CDK6: variants seen among roughly 807,000 people sequenced by gnomAD.
CDK6 encodes cyclin dependent kinase 6.
A neutral mutation model predicts 37.1 loss-of-function variants in CDK6; 6 were observed. That is an observed-to-expected ratio of 0.16 (90% CI 0.09 to 0.32). The LOEUF (loss-of-function observed/expected upper bound fraction) is 0.32, where lower values mean the gene tolerates loss of function less well. Ranked by LOEUF, CDK6 falls within the 10% of genes least tolerant of loss-of-function variation. CDK6 has a pLI of 1.00. For missense variants in CDK6, 224 were observed against 418.9 expected (o/e 0.53, Z 4.06); for synonymous variants, 160 against 161.3 (o/e 0.99, Z 0.06).
chr7:92,735,420 G>GGGA (rs1183795454), intron 3 of CDK6, among the ~76,000 whole-genome samples: 2 of 151,994 alleles, frequency 1.3e-5, no homozygotes, highest in Admixed American at 1.3e-4. Context: ...GCTCTTCCCC[G>GGGA]CTCCTCTAGT....
chr7:92,792,992 A>G (rs1800320163), intron 2 of CDK6, among the ~76,000 whole-genome samples: 1 of 152,078 alleles, frequency 6.6e-6, no homozygotes, highest in South Asian at 2.1e-4. Flanking sequence ...ACATCAAGGG[A>G]ATTAAAAAAA....
intron 2 of CDK6, among the ~76,000 whole-genome samples, chr7:92,782,114 A>G (rs1195362448): frequency 1.3e-5 from 2 of 152,158 alleles, no homozygotes; most frequent in Admixed American, 1.3e-4. Context: ...CAGGCACTAT[A>G]CTCAGTTTTA....
Position 92,608,953 on chromosome 7 carries a change from C to T in CDK6, c.*6187G>A, listed in dbSNP as rs1795497591. On this transcript the variant is annotated 3_prime_UTR_variant, in exon 8 of 8. Coordinates refer to ENST00000424848, the MANE Select transcript of CDK6 (RefSeq NM_001145306.2). Reference sequence around the variant, plus strand: ...TGAGCACGAGCAAATGGGGTTCAGACTGGCCACTGTTATAACAAACCCTGG... The same window carrying T: ...TGAGCACGAGCAAATGGGGTTCAGATTGGCCACTGTTATAACAAACCCTGG... 4.3e-6 allele frequency: 1 copy of T among 232,928 alleles called. No individual in the cohort carries two copies. The highest frequency in any genetic ancestry group is 2.2e-5 in the African/African-American group (1 of 45,336). 14.4% of individuals were successfully genotyped at this position (232,928 alleles called of 1,614,324 possible).
intron 2 of CDK6, among the ~76,000 whole-genome samples, chr7:92,810,286 C>CAAACCAAACTAAA (rs1800841548): frequency 6.6e-6 from 1 of 152,136 alleles, no homozygotes; most frequent in Non-Finnish European, 1.5e-5. Context: ...CCAAGCAGGT[C>CAAACCAAACTAAA]TTACTAAAAC....
At chr7:92,760,437 C>T (rs1313299174) in intron 3 of CDK6, among the ~76,000 whole-genome samples, 1 of 152,092 alleles carries the variant, frequency 6.6e-6, no homozygotes, top group Non-Finnish European at 1.5e-5. Flanking sequence ...AAGGAAGTGA[C>T]ACTATGTTGT....
chr7:92,806,630 G>A (rs1486729565), intron 2 of CDK6, among the ~76,000 whole-genome samples: 1 of 152,154 alleles, frequency 6.6e-6, no homozygotes, highest in Non-Finnish European at 1.5e-5. Context: ...AAAAATGTCT[G>A]TGTAACCAGA....
At chr7:92,691,073 ATTAC>A (rs1216827597) in intron 4 of CDK6, among the ~76,000 whole-genome samples, 1 of 152,224 alleles carries the variant, frequency 6.6e-6, no homozygotes, top group East Asian at 1.9e-4. Context: ...ACAAATTCTA[ATTAC>A]TTATACTTTC....
In CDK6 at chr7:92,612,359, A is replaced by G. The variant is rs1194938957; in HGVS notation, c.*2781T>C. The G allele has an allele frequency of 1.3e-5, 3 of 233,142 alleles. No homozygotes were observed. Among genetic ancestry groups the G allele is most frequent in the South Asian group, 1.8e-4 (1 of 5,536 alleles). The allele number at this position is 233,142 out of a possible 1,614,324, so 14.4% of individuals were successfully genotyped here. ...GCTTTTGGCAAAGATGTTTGAAACC[A>G]TATGTTACAGAAGAATAAGCTGTAG... is the stretch of plus-strand genomic sequence containing the variant. On this transcript the variant is annotated 3_prime_UTR_variant, in exon 8 of 8. Coordinates refer to ENST00000424848, the MANE Select transcript of CDK6 (RefSeq NM_001145306.2).
intron 2 of CDK6, among the ~76,000 whole-genome samples, chr7:92,806,350 T>G (rs1163795610): frequency 6.6e-6 from 1 of 152,196 alleles, no homozygotes; most frequent in Admixed American, 6.5e-5. Flanking sequence ...CGTTAAAACA[T>G]GTACAATTGT....
At chr7:92,693,516 C>T (rs1262285248) in intron 4 of CDK6, among the ~76,000 whole-genome samples, 3 of 152,142 alleles carry the variant, frequency 2.0e-5, no homozygotes, top group African/African-American at 2.4e-5. Context: ...TTAAACTTTT[C>T]CTGCATCCTA....
chr7:92,801,703 C>G (rs1385219495), intron 2 of CDK6, among the ~76,000 whole-genome samples: 4 of 151,650 alleles, frequency 2.6e-5, no homozygotes, highest in Admixed American at 2.6e-4. Context: ...TTCACTGTCA[C>G]CCCCACCTCC....
At position 92,774,767 on chromosome 7, in the gene CDK6, G is replaced by A. The variant is rs2115785295; in HGVS notation, c.298C>T (p.His100Tyr). 6.2e-7 allele frequency: 1 copy of A among 1,613,004 alleles called. No individual in the cohort carries two copies. Residue 100 changes from histidine to tyrosine, a missense_variant, in exon 3 of 8, where the codon CAT becomes TAT. His to Tyr is a moderately conservative substitution (Grantham distance 83). Coordinates refer to ENST00000424848, the MANE Select transcript of CDK6 (RefSeq NM_001145306.2). ...TAAGTGGTCAAGTCTTGATCGACATGTTCAAACACTAAAGTTAGTTTGGTT... is the reference window on the plus strand; with the variant it reads ...TAAGTGGTCAAGTCTTGATCGACATATTCAAACACTAAAGTTAGTTTGGTT... Reference protein sequence around the residue: ...RETKLTLVFEHVDQDLTTYLD... With the variant: ...RETKLTLVFEYVDQDLTTYLD...
intron 2 of CDK6, among the ~76,000 whole-genome samples, chr7:92,822,319 T>A (rs999169537): frequency 2.0e-5 from 3 of 152,154 alleles, no homozygotes; most frequent in African/African-American, 7.2e-5. Flanking sequence ...TTGCCAATCA[T>A]TACATTATTA....
At chr7:92,646,736 T>C (rs1166714955) in intron 5 of CDK6, among the ~76,000 whole-genome samples, 2 of 152,066 alleles carry the variant, frequency 1.3e-5, no homozygotes, top group Non-Finnish European at 2.9e-5. Flanking sequence ...TGCTCATTCA[T>C]TAATTGAGAG....
intron 3 of CDK6, among the ~76,000 whole-genome samples, chr7:92,772,449 G>A (rs1352633715): frequency 6.6e-6 from 1 of 150,988 alleles, no homozygotes; most frequent in African/African-American, 2.4e-5. Context: ...CCTAATGGCT[G>A]AAGAAATTTA....
At chr7:92,826,718 A>G (rs2116003921) in intron 2 of CDK6, among the ~76,000 whole-genome samples, 1 of 152,334 alleles carries the variant, frequency 6.6e-6, no homozygotes, top group South Asian at 2.1e-4. Context: ...CTTACTAAAT[A>G]GACTTCACAT....
intron 2 of CDK6, among the ~76,000 whole-genome samples, chr7:92,831,347 C>A (rs1250920701): frequency 2.0e-5 from 3 of 152,146 alleles, no homozygotes; most frequent in African/African-American, 7.2e-5. Context: ...AGTACCTCTA[C>A]GTTTGGAAGG....
At chr7:92,756,870 G>C (rs1368120854) in intron 3 of CDK6, among the ~76,000 whole-genome samples, 7 of 152,238 alleles carry the variant, frequency 4.6e-5, no homozygotes, top group African/African-American at 1.4e-4. Flanking sequence ...ACTGGATAAG[G>C]GATCTGGGAA....
chr7:92,626,574 T>C (rs1458946652), intron 5 of CDK6, among the ~76,000 whole-genome samples: 1 of 152,078 alleles, frequency 6.6e-6, no homozygotes, highest in Non-Finnish European at 1.5e-5. Flanking sequence ...TTAGAAAGAC[T>C]AATTTGGCAG....
Sources: allele counts gnomAD v4.1 joint callset (sites outside exome capture counted in the v4.1 genomes callset), GRCh38; gene constraint gnomAD v4.1.1; transcripts MANE v1.5; gene names NCBI Gene and HGNC (gene_info 2026-07-23, HGNC 2026-07-21).